The following APBA2 variants were observed in gnomAD, a reference collection of about 807,000 sequenced individuals.
APBA2 encodes amyloid-beta A4 precursor protein-binding family A member 2.
In APBA2, 30 loss-of-function variants were observed where a neutral mutation model predicts 75.0. The ratio of observed to expected loss-of-function variants is 0.40; its 90% CI spans 0.30 to 0.54. APBA2 has a LOEUF of 0.54. Among genes scored for constraint, APBA2 ranks in the 20% least tolerant of loss-of-function variants. The pLI is 0.49. For missense variants in APBA2, 801 were observed against 1,016.1 expected (o/e 0.79, Z 2.88); for synonymous variants, 444 against 409.6 (o/e 1.08, Z -1.01).
intron 4 of APBA2, among the ~76,000 whole-genome samples, chr15:29,065,185 C>T (rs886821431): frequency 2.6e-5 from 4 of 152,112 alleles, no homozygotes; most frequent in African/African-American, 4.8e-5. Context: ...CTTGGGCCTC[C>T]GTGACACCTG....
At chr15:29,098,640 A>G (rs2043970060) in intron 9 of APBA2, 64 bp downstream of exon 9, 2 of 1,318,780 alleles carry the variant, frequency 1.5e-6, no homozygotes, top group Middle Eastern at 1.8e-4. Flanking sequence ...TTCTTGTCCC[A>G]TGGTATAGGC....
chr15:28,888,790 C>T (rs1415308633), intron 1 of APBA2, among the ~76,000 whole-genome samples: 1 of 152,164 alleles, frequency 6.6e-6, no homozygotes, highest in African/African-American at 2.4e-5. Context: ...GCTGCGTGCC[C>T]TCCCCATGCA....
rs1195695514 is a variant in APBA2 at position 28,969,180 on chromosome 15, CTTTT to C, written c.-94-26568_-94-26565del. 6.1e-5 allele frequency among the ~76,000 whole-genome samples: 8 copies of C among 130,938 alleles called. No homozygotes were observed. In the East Asian group the frequency reaches 9.8e-4, roughly 16 times the overall value. 85.9% of individuals were successfully genotyped at this position (130,938 alleles called of 152,430 possible). A position where few individuals can be genotyped will look rare whatever the true frequency, so the allele number is the denominator to read the frequency against. ...TCTTTCTTTCTTTCTTTCTTTCTTT[CTTTT>C]TTTTATTTTTTATTTTTGAGACAGT... On this transcript the variant is annotated intron_variant, in intron 2 of 14. Transcript: ENST00000683413.
chr15:28,941,297 A>G (rs1402082854), intron 2 of APBA2, among the ~76,000 whole-genome samples: 1 of 152,084 alleles, frequency 6.6e-6, no homozygotes, highest in Non-Finnish European at 1.5e-5. Flanking sequence ...CATCTCAGGA[A>G]GGGAGGAAGA....
At chr15:28,981,764 A>G (rs1223975756) in intron 2 of APBA2, among the ~76,000 whole-genome samples, 2 of 152,254 alleles carry the variant, frequency 1.3e-5, no homozygotes, top group Middle Eastern at 3.2e-3. Flanking sequence ...CTAGGTGCCC[A>G]TCAGCAGTGG....
intron 3 of APBA2, among the ~76,000 whole-genome samples, chr15:29,018,947 G>C (rs1343251202): frequency 6.6e-6 from 1 of 152,152 alleles, no homozygotes; most frequent in African/African-American, 2.4e-5. Flanking sequence ...CTGCCAAGCA[G>C]GAGAGGAAAT....
Position 28,991,311 on chromosome 15 carries a change from C to T in APBA2, c.-94-4442C>T, listed in dbSNP as rs2038217675. Among the ~76,000 whole-genome samples the T allele has an allele frequency of 6.6e-6, 1 of 152,218 alleles. No homozygotes were observed. Among genetic ancestry groups the T allele is most frequent in the Admixed American group, 6.5e-5 (1 of 15,288 alleles). On this transcript the variant is annotated intron_variant, in intron 2 of 14. Transcript: ENST00000683413. The surrounding 1 kb of genome is among the most constrained non-coding windows in gnomAD (Gnocchi z 4.7). ...TGTCCCCAGTCCCATCCTGGGTGTT[C>T]TGGGATTCCAGCCACAGCTGTGGGG... is the stretch of plus-strand genomic sequence containing the variant.
chr15:28,937,806 G>A (rs1047229435), intron 2 of APBA2, among the ~76,000 whole-genome samples: 6 of 152,060 alleles, frequency 3.9e-5, no homozygotes, highest in African/African-American at 1.4e-4. Flanking sequence ...ACAGGCGCCC[G>A]CCACCACGCC....
Position 29,037,413 on chromosome 15 carries a change from A to G in APBA2, c.-40-16432A>G, listed in dbSNP as rs950843049. 4.6e-5 allele frequency among the ~76,000 whole-genome samples: 7 copies of G among 152,192 alleles called. 1 individual carries two copies. Among genetic ancestry groups the G allele is most frequent in the Admixed American group, 4.6e-4 (7 of 15,278 alleles). On this transcript the variant is annotated intron_variant, in intron 3 of 14. Coordinates refer to ENST00000683413, the MANE Select transcript of APBA2 (RefSeq NM_001353788.2). ...GGCAAACAGCCTGGGGTGAGTTACC[A>G]GAAGGATGATGTGAATCATCGTGTG... is the stretch of plus-strand genomic sequence containing the variant.
chr15:28,991,457 G>C lies in APBA2; in HGVS notation c.-94-4296G>C, dbSNP rs2038227405. 6.6e-6 allele frequency among the ~76,000 whole-genome samples: 1 copy of C among 152,168 alleles called. No homozygotes were observed. Among genetic ancestry groups the C allele is most frequent in the Non-Finnish European group, 1.5e-5 (1 of 68,030 alleles). The stretch of plus-strand genomic sequence containing the variant: ...TTGTGCCGGAGCTCACCTTGTGCCA[G>C]GTGTTGAGCTCTGCCAGCTGCCCGG... On this transcript the variant is annotated intron_variant, in intron 2 of 14. Transcript: ENST00000683413. This position sits in a 1 kb window ranked among gnomAD's most constrained non-coding sequence, Gnocchi z 4.7.
At chr15:29,100,400 T>G (rs748750225) in intron 9 of APBA2, among the ~76,000 whole-genome samples, 125 of 152,228 alleles carry the variant, frequency 8.2e-4, no homozygotes, top group Non-Finnish European at 1.7e-3. Flanking sequence ...GAGGAAGAAA[T>G]GAGGTCCAGA....
chr15:29,064,205 C>T (rs1001349708), intron 4 of APBA2, among the ~76,000 whole-genome samples: 13 of 152,308 alleles, frequency 8.5e-5, no homozygotes, highest in Middle Eastern at 3.4e-3. Context: ...ACCTGTCTCT[C>T]ACCGACTCCA....
At chr15:29,038,439 T>C (rs1359173597) in intron 3 of APBA2, among the ~76,000 whole-genome samples, 2 of 152,130 alleles carry the variant, frequency 1.3e-5, no homozygotes, top group Non-Finnish European at 2.9e-5. Flanking sequence ...CATTTTTCCG[T>C]GGTATGGGTT....
At chr15:29,088,675 C>G (rs1249128991) in intron 6 of APBA2, among the ~76,000 whole-genome samples, 2 of 152,184 alleles carry the variant, frequency 1.3e-5, no homozygotes, top group Non-Finnish European at 2.9e-5. Context: ...CCTTCTTCCT[C>G]TCTGCTGCCT....
intron 6 of APBA2, among the ~76,000 whole-genome samples, chr15:29,076,479 T>C (rs1158270635): frequency 6.6e-6 from 1 of 152,122 alleles, no homozygotes; most frequent in Admixed American, 6.5e-5. Context: ...CCTTTGTTTT[T>C]CTTTACCGTT....
chr15:28,989,019 A>G (rs934326447), intron 2 of APBA2, among the ~76,000 whole-genome samples: 3 of 152,018 alleles, frequency 2.0e-5, no homozygotes, highest in Admixed American at 1.3e-4. Context: ...TGAGGTATTA[A>G]TTTGCATTTC....
At chr15:29,099,958 C>T (rs189265076) in intron 9 of APBA2, among the ~76,000 whole-genome samples, 42 of 152,350 alleles carry the variant, frequency 2.8e-4, no homozygotes, top group African/African-American at 1.0e-3. Flanking sequence ...ACTCCACTGG[C>T]CCCTTCTCCC....
chr15:29,008,425 A>C (rs2039235942), intron 3 of APBA2, among the ~76,000 whole-genome samples: 1 of 151,990 alleles, frequency 6.6e-6, no homozygotes, highest in Admixed American at 6.6e-5. Flanking sequence ...TTTTTTTCTT[A>C]CAACGGAAAG....
intron 1 of APBA2, among the ~76,000 whole-genome samples, chr15:28,892,370 T>C (rs1380057411): frequency 6.6e-6 from 1 of 152,228 alleles, no homozygotes; most frequent in East Asian, 1.9e-4. Flanking sequence ...CCACCACGCC[T>C]GGCCCATGTT....
Sources: gnomAD v4.1 joint callset for allele counts (sites outside exome capture counted in the v4.1 genomes callset) on GRCh38, gnomAD v4.1.1 for gene constraint, Gnocchi (gnomAD v3.1) non-coding constraint, MANE v1.5 for transcripts, NCBI Gene and HGNC (gene_info 2026-07-23, HGNC 2026-07-21) for gene names.